The following EXOC6B variants were observed in gnomAD, a reference collection of about 807,000 sequenced individuals.
The protein encoded by EXOC6B is SEC15 homolog B.
Under a neutral mutation model 113.5 loss-of-function variants are expected in EXOC6B, and 54 were observed. The ratio of observed to expected loss-of-function variants is 0.48; its 90% CI spans 0.38 to 0.60. The LOEUF is 0.60. Among genes scored for constraint, EXOC6B ranks in the 20% least tolerant of loss-of-function variants. The pLI is 0.00. For synonymous variants in EXOC6B, 357 were observed against 339.0 expected (o/e 1.05, Z -0.58); for missense variants, 797 against 977.5 (o/e 0.82, Z 2.46).
intron 1 of EXOC6B, among the ~76,000 whole-genome samples, chr2:72,775,258 T>C (rs1217925150): frequency 6.6e-6 from 1 of 152,204 alleles, no homozygotes; most frequent in Non-Finnish European, 1.5e-5. Flanking sequence ...AAGTTGAGTA[T>C]TCCAACCCTC....
intron 18 of EXOC6B, among the ~76,000 whole-genome samples, chr2:72,406,722 A>T: frequency 6.6e-6 from 1 of 152,214 alleles, no homozygotes; most frequent in East Asian, 1.9e-4. Flanking sequence ...AGGGAAATTT[A>T]TAACACTAAA....
intron 20 of EXOC6B, among the ~76,000 whole-genome samples, chr2:72,224,665 T>C (rs1681088949): frequency 1.3e-5 from 2 of 152,078 alleles, no homozygotes; most frequent in African/African-American, 4.8e-5. Context: ...AGTCTCGCTC[T>C]GTTGCCCAGG....
At chr2:72,537,709 A>G (rs1014678762) in intron 8 of EXOC6B, among the ~76,000 whole-genome samples, 2 of 152,166 alleles carry the variant, frequency 1.3e-5, no homozygotes, top group Admixed American at 6.5e-5. Flanking sequence ...ATTGATGGAG[A>G]TATAAGCACG....
At chr2:72,543,915 C>A (rs1210883441) in intron 8 of EXOC6B, among the ~76,000 whole-genome samples, 1 of 152,084 alleles carries the variant, frequency 6.6e-6, no homozygotes, top group African/African-American at 2.4e-5. Context: ...TATTTCAGGG[C>A]AAACTTTCCA....
At chr2:72,213,106 C>G (rs1317250298) in intron 20 of EXOC6B, among the ~76,000 whole-genome samples, 2 of 152,188 alleles carry the variant, frequency 1.3e-5, no homozygotes, top group Non-Finnish European at 2.9e-5. Flanking sequence ...TCCTGAAATC[C>G]AGTTGCCAAA....
chr2:72,290,819 A>G (rs1685736989), intron 20 of EXOC6B, among the ~76,000 whole-genome samples: 1 of 152,080 alleles, frequency 6.6e-6, no homozygotes, highest in Non-Finnish European at 1.5e-5. Flanking sequence ...CATTACAGTT[A>G]GAATATCCAA....
At chr2:72,254,026 G>C (rs1199695565) in intron 20 of EXOC6B, among the ~76,000 whole-genome samples, 1 of 152,004 alleles carries the variant, frequency 6.6e-6, no homozygotes, top group Admixed American at 6.6e-5. Flanking sequence ...TGGGCGTGGT[G>C]GTGGGCACCT....
chr2:72,656,625 C>CCCCCCTTA (rs1674595135), intron 6 of EXOC6B, among the ~76,000 whole-genome samples: 1 of 151,998 alleles, frequency 6.6e-6, no homozygotes, highest in African/African-American at 2.4e-5. Flanking sequence ...ATAAAAAGCT[C>CCCCCCTTA]CCCCCTTATT....
rs111502971 is a variant in EXOC6B, at chr2:72,179,069, T to G, written c.*266A>C. On this transcript the variant is annotated 3_prime_UTR_variant, in exon 22 of 22. Transcript: ENST00000272427. ...TGAAAGGTGGTTCATCACTGTGGAA[T>G]TGATGATACCACCATCTCTAAGATA... 2.1e-4 allele frequency: 83 copies of G among 386,594 alleles called. 1 individual carries two copies. Among genetic ancestry groups the G allele is most frequent in the African/African-American group, 1.7e-3 (80 of 47,954 alleles). The allele number at this position is 386,594 out of a possible 1,614,324, so 23.9% of individuals were successfully genotyped here.
chr2:72,365,378 T>C (rs1002286347), intron 19 of EXOC6B, among the ~76,000 whole-genome samples: 4 of 150,730 alleles, frequency 2.7e-5, no homozygotes, highest in Non-Finnish European at 5.9e-5. Context: ...GTACAAGGAG[T>C]CTGAAAGAAC....
At chr2:72,682,896 A>G (rs1424545587) in intron 6 of EXOC6B, among the ~76,000 whole-genome samples, 3 of 152,226 alleles carry the variant, frequency 2.0e-5, no homozygotes, top group East Asian at 1.9e-4. Context: ...ATTTCTTTCA[A>G]TGAACCACTA....
At chr2:72,704,705 C>A (rs1489853941) in intron 6 of EXOC6B, among the ~76,000 whole-genome samples, 2 of 150,946 alleles carry the variant, frequency 1.3e-5, no homozygotes, top group East Asian at 3.9e-4. Flanking sequence ...AACACCTCTA[C>A]GCAAATAAAC....
chr2:72,676,142 G>A (rs75694787), intron 6 of EXOC6B, among the ~76,000 whole-genome samples: 9 of 144,982 alleles, frequency 6.2e-5, no homozygotes, highest in South Asian at 2.2e-4. Flanking sequence ...AAAAAAAAAA[G>A]AAGAAGAAGA....
rs1701143736 is a variant in EXOC6B, at chr2:72,515,021, AAAGTG to A, written c.999+17_999+21del. On this transcript the variant is annotated intron_variant, in intron 9 of 21. Coordinates refer to ENST00000272427, the MANE Select transcript of EXOC6B (RefSeq NM_015189.3). ...AAGGAGGAAAAGTAAAAATGTGAGA[AAAGTG>A]AAGATGGTAATCCTACCATGTTAGA... The A allele has an allele frequency of 6.3e-7, 1 of 1,581,894 alleles. No homozygotes were observed. The highest frequency in any genetic ancestry group is 1.8e-5 in the Admixed American group (1 of 56,062).
intron 1 of EXOC6B, among the ~76,000 whole-genome samples, chr2:72,768,054 T>C (rs938667135): frequency 2.1e-5 from 3 of 143,704 alleles, no homozygotes; most frequent in African/African-American, 7.7e-5. Context: ...GAGGCAGAGG[T>C]TACAGTGAGT....
At chr2:72,323,082 A>G (rs559281016) in intron 20 of EXOC6B, among the ~76,000 whole-genome samples, 2 of 152,292 alleles carry the variant, frequency 1.3e-5, no homozygotes, top group East Asian at 3.9e-4. Context: ...AATTTTTGCA[A>G]TCTATCCCTG....
chr2:72,721,882 CT>C (rs909782547), intron 5 of EXOC6B: 1 of 151,792 alleles, frequency 6.6e-6, no homozygotes, highest in Non-Finnish European at 1.5e-5. Flanking sequence ...GATACATCCT[CT>C]TATCAGAGGA....
At chr2:72,305,322 G>GTATATGTATA (rs71404717) in intron 20 of EXOC6B, among the ~76,000 whole-genome samples, 1 of 144,538 alleles carries the variant, frequency 6.9e-6, no homozygotes, top group Non-Finnish European at 1.5e-5. Flanking sequence ...ATATGGGTGT[G>GTATATGTATA]TGTATATGTA....
chr2:72,350,647 C>G (rs758105535), intron 19 of EXOC6B, among the ~76,000 whole-genome samples: 7 of 152,108 alleles, frequency 4.6e-5, no homozygotes, highest in Non-Finnish European at 8.8e-5. Context: ...AGACCTTAAG[C>G]TGGTAGTTAT....
Sources: gnomAD v4.1 joint callset for allele counts (sites outside exome capture counted in the v4.1 genomes callset) on GRCh38, gnomAD v4.1.1 for gene constraint, MANE v1.5 for transcripts, NCBI Gene and HGNC (gene_info 2026-07-23, HGNC 2026-07-21) for gene names.